The following MGST3 variants were observed in gnomAD, a reference collection of about 807,000 sequenced individuals.
MGST3 encodes microsomal glutathione S-transferase 3.
A neutral mutation model predicts 15.8 loss-of-function variants in MGST3; 13 were observed. That is an observed-to-expected ratio of 0.82 (90% CI 0.54 to 1.31). The LOEUF (loss-of-function observed/expected upper bound fraction) is 1.31, where lower values mean the gene tolerates loss of function less well. Ranked by LOEUF, MGST3 falls within the 50% of genes most tolerant of loss-of-function variation. MGST3 has a pLI of 0.00. For synonymous variants in MGST3, 49 were observed against 68.1 expected, an observed-to-expected ratio of 0.72 and a Z score of 1.38; for missense variants, 155 against 192.4, an observed-to-expected ratio of 0.81 and a Z score of 1.15.
intron 1 of MGST3, among the ~76,000 whole-genome samples, chr1:165,637,606 G>A (rs867962197): frequency 7.2e-5 from 11 of 152,198 alleles, no homozygotes; most frequent in African/African-American, 2.4e-4. Flanking sequence ...AAGGAACCCT[G>A]CCCCAGTAAG....
At position 165,651,985 on chromosome 1, in the gene MGST3, G is replaced by GTGTATCC; in HGVS notation, c.201_207dup (p.Pro70ValfsTer46). On this transcript the variant is annotated frameshift_variant, in exon 4 of 6. Transcript: ENST00000367889. LOFTEE classifies it high-confidence loss of function. ...TCTTTCTGTCAATTCCAGGTTGGAA[G>GTGTATCC]TGTATCCTCCCTTCTTATTTTTTCT... 6.2e-7 allele frequency: 1 copy of GTGTATCC among 1,612,800 alleles called. No individual in the cohort carries two copies. Among genetic ancestry groups the GTGTATCC allele is most frequent in the South Asian group, 1.1e-5 (1 of 91,054 alleles).
At chr1:165,648,189 C>T (rs1648458393) in intron 1 of MGST3, among the ~76,000 whole-genome samples, 1 of 152,256 alleles carries the variant, frequency 6.6e-6, no homozygotes, top group Non-Finnish European at 1.5e-5. Context: ...TCTGCAGCTG[C>T]ACAGACAGGC....
chr1:165,646,438 T>G (rs369970877), intron 1 of MGST3: 10 of 152,252 alleles, frequency 6.6e-5, no homozygotes, highest in African/African-American at 2.2e-4. Context: ...CCTATTGCAT[T>G]TATGTTTTCC....
chr1:165,644,728 C>A (rs1202192953), intron 1 of MGST3, among the ~76,000 whole-genome samples: 1 of 152,062 alleles, frequency 6.6e-6, no homozygotes, highest in Admixed American at 6.6e-5. Context: ...TACATTGTAA[C>A]TGCATAAAAA....
In MGST3 at chr1:165,652,008, T is replaced by G. The variant is rs760670361; in HGVS notation, c.222T>G (p.Phe74Leu). The change falls in exon 4 of 6, where the codon TTT becomes TTG. Residue 74 changes from phenylalanine to leucine, a missense_variant. Coordinates refer to ENST00000367889, the MANE Select transcript of MGST3 (RefSeq NM_004528.4). Reference sequence around the variant, plus strand: ...AAGTGTATCCTCCCTTCTTATTTTTTCTAGCTGTTGGAGGTGTTTACCACC... The same window carrying G: ...AAGTGTATCCTCCCTTCTTATTTTTGCTAGCTGTTGGAGGTGTTTACCACC... ...TLEVYPPFLF[F>L]LAVGGVYHPR... 2.5e-6 allele frequency: 4 copies of G among 1,614,046 alleles called. No individual in the cohort carries two copies. In the South Asian group the frequency reaches 3.3e-5, roughly 13 times the overall value.
At chr1:165,636,378 G>A (rs999735524) in intron 1 of MGST3, among the ~76,000 whole-genome samples, 9 of 152,028 alleles carry the variant, frequency 5.9e-5, no homozygotes, top group Non-Finnish European at 1.5e-5. Context: ...TATAATATTG[G>A]ATATATTTAT....
chr1:165,652,133 G>T, intron 4 of MGST3, 98 bp downstream of exon 4: 1 of 881,642 alleles, frequency 1.1e-6, no homozygotes, highest in Non-Finnish European at 1.9e-6. Flanking sequence ...AATATCTTCA[G>T]TGTCTAGGCA....
rs1648692535 is a variant in MGST3, at chr1:165,655,757, T to C, written c.*253T>C. On this transcript the variant is annotated 3_prime_UTR_variant, in exon 6 of 6. Coordinates refer to ENST00000367889, the MANE Select transcript of MGST3 (RefSeq NM_004528.4). ...GCAGATGCTTCTGTAGTATGTGAGGTTGAGAAAAAGTCTGATTGTGGTGAT... is the reference window on the plus strand; with the variant it reads ...GCAGATGCTTCTGTAGTATGTGAGGCTGAGAAAAAGTCTGATTGTGGTGAT... The C allele has an allele frequency of 2.0e-6, 1 of 505,396 alleles. No homozygotes were observed. Among genetic ancestry groups the C allele is most frequent in the South Asian group, 2.2e-5 (1 of 45,762 alleles). The allele number at this position is 505,396 out of a possible 1,614,324, so 31.3% of individuals were successfully genotyped here. A position where few individuals can be genotyped will look rare whatever the true frequency, so the allele number is the denominator to read the frequency against.
chr1:165,637,584 G>C (rs2101715040), intron 1 of MGST3, among the ~76,000 whole-genome samples: 1 of 152,338 alleles, frequency 6.6e-6, no homozygotes, highest in Middle Eastern at 3.4e-3. Flanking sequence ...TTCTGGGTAA[G>C]CCTTGCAACC....
rs1648511309 is a variant in MGST3 at position 165,650,079 on chromosome 1, C to A, written c.117+115C>A. The A allele has an allele frequency of 2.7e-6, 4 of 1,486,142 alleles. No homozygotes were observed. The Admixed American group carries it at 7.2e-5, about 27-fold the overall frequency. The allele number at this position is 1,486,142 out of a possible 1,614,324, so 92.1% of individuals were successfully genotyped here. On this transcript the variant is annotated intron_variant, in intron 2 of 5. Coordinates refer to ENST00000367889, the MANE Select transcript of MGST3 (RefSeq NM_004528.4). Reference sequence around the variant, plus strand: ...GCAAGGAGCTAGTTGTGAGAAGTGGCAGTTTCAGGACTGTGTTAGCGATTC... The same window carrying A: ...GCAAGGAGCTAGTTGTGAGAAGTGGAAGTTTCAGGACTGTGTTAGCGATTC...
intron 1 of MGST3, among the ~76,000 whole-genome samples, chr1:165,642,842 A>T (rs979672044): frequency 2.0e-5 from 3 of 152,254 alleles, no homozygotes; most frequent in South Asian, 2.1e-4. Flanking sequence ...ACTGCATTCA[A>T]CTGCAAAGCT....
chr1:165,643,895 T>A (rs183337357), intron 1 of MGST3, among the ~76,000 whole-genome samples: 8 of 151,566 alleles, frequency 5.3e-5, no homozygotes, highest in Non-Finnish European at 7.4e-5. Flanking sequence ...AAAAAAATTT[T>A]AAAAATACAG....
chr1:165,635,212 T>C (rs1468024215), intron 1 of MGST3, among the ~76,000 whole-genome samples: 1 of 152,110 alleles, frequency 6.6e-6, no homozygotes, highest in Non-Finnish European at 1.5e-5. Flanking sequence ...GCCCAGGGCT[T>C]CTAGGTTAGG....
chr1:165,651,334 C>A, intron 3 of MGST3: 1 of 548,432 alleles, frequency 1.8e-6, no homozygotes, highest in South Asian at 2.0e-5. Flanking sequence ...GCATTACCTA[C>A]TACAGTTTTG....
At chr1:165,652,417 A>T (rs966465443) in intron 4 of MGST3, among the ~76,000 whole-genome samples, 4 of 152,220 alleles carry the variant, frequency 2.6e-5, no homozygotes, top group African/African-American at 9.7e-5. Context: ...AAAGCAGACA[A>T]AGACCCCTGG....
intron 1 of MGST3, among the ~76,000 whole-genome samples, chr1:165,640,951 G>A (rs1648246490): frequency 6.6e-6 from 1 of 152,160 alleles, no homozygotes; most frequent in Non-Finnish European, 1.5e-5. Context: ...GGGAGGCTGA[G>A]GCAGGTGGAT....
At chr1:165,634,729 C>G (rs1648052025) in intron 1 of MGST3, among the ~76,000 whole-genome samples, 1 of 151,424 alleles carries the variant, frequency 6.6e-6, no homozygotes, top group African/African-American at 2.4e-5. Context: ...CGTGCTCTCT[C>G]TCAATCATGC....
At chr1:165,631,557 C>A (rs1012931428) in intron 1 of MGST3, among the ~76,000 whole-genome samples, 3 of 152,178 alleles carry the variant, frequency 2.0e-5, no homozygotes, top group Non-Finnish European at 4.4e-5. Flanking sequence ...CAGGAAAATT[C>A]TCAAGGTCAA....
At chr1:165,646,026 T>G (rs894783063) in intron 1 of MGST3, 4 of 152,240 alleles carry the variant, frequency 2.6e-5, no homozygotes, top group African/African-American at 9.6e-5. Context: ...TCAAGAACTT[T>G]ATCTTGTTGG....
Sources: gnomAD v4.1 joint callset for allele counts (sites outside exome capture counted in the v4.1 genomes callset) on GRCh38, gnomAD v4.1.1 for gene constraint, MANE v1.5 for transcripts, NCBI Gene and HGNC (gene_info 2026-07-23, HGNC 2026-07-21) for gene names.